ADGRL3: variants seen among roughly 807,000 people sequenced by gnomAD.
ADGRL3 encodes the protein adhesion G protein-coupled receptor L3, also known as calcium-independent alpha-latrotoxin receptor 3.
Under a neutral mutation model 153.5 loss-of-function variants are expected in ADGRL3, and 62 were observed. The ratio of observed to expected loss-of-function variants is 0.40; its 90% CI spans 0.33 to 0.50. The LOEUF (loss-of-function observed/expected upper bound fraction) is 0.50, where lower values mean the gene tolerates loss of function less well. Among genes scored for constraint, ADGRL3 ranks in the 20% least tolerant of loss-of-function variants. The pLI is 0.47. For missense variants in ADGRL3, 1,641 were observed against 1,859.4 expected (o/e 0.88, Z 2.16); for synonymous variants, 710 against 672.5 (o/e 1.06, Z -0.86).
chr4:61,424,242 G>A (rs1381721164), intron 2 of ADGRL3, among the ~76,000 whole-genome samples: 1 of 152,062 alleles, frequency 6.6e-6, no homozygotes, highest in East Asian at 1.9e-4. Context: ...ATTATATAAT[G>A]CATGGGATTG....
rs571279154 is a variant in ADGRL3, at chr4:61,459,094, T to A, written c.-173-38027T>A. On this transcript the variant is annotated intron_variant, in intron 2 of 26. Transcript: ENST00000683033. The stretch of plus-strand genomic sequence containing the variant: ...ATTCTATTAAATAATATAGAGAGAA[T>A]TTTTTTAAATGTGTACTTAAGTTTT... 5.6e-4 allele frequency among the ~76,000 whole-genome samples: 85 copies of A among 151,634 alleles called. 1 individual carries two copies. In the South Asian group the frequency reaches 0.015, roughly 28 times the overall value.
intron 13 of ADGRL3, among the ~76,000 whole-genome samples, chr4:61,933,135 A>C (rs1455619472): frequency 6.6e-6 from 1 of 152,064 alleles, no homozygotes; most frequent in African/African-American, 2.4e-5. Context: ...TAAGGAACAG[A>C]CATAATTTCT....
intron 5 of ADGRL3, among the ~76,000 whole-genome samples, chr4:61,617,336 A>T (rs1336595722): frequency 6.6e-6 from 1 of 152,114 alleles, no homozygotes; most frequent in Admixed American, 6.6e-5. Context: ...GATTGATTTC[A>T]TTCGTATTTT....
At chr4:61,456,403 CTATATATATATAGATATATCTATA>C (rs2097745869) in intron 2 of ADGRL3, among the ~76,000 whole-genome samples, 40 of 59,334 alleles carry the variant, frequency 6.7e-4, no homozygotes, top group Admixed American at 3.7e-3. Context: ...ATATCTATAT[CTATATATATATAGATATATCTATA>C]TCTATATATA....
chr4:61,642,925 G>A (rs2093757154), intron 5 of ADGRL3, among the ~76,000 whole-genome samples: 2 of 152,154 alleles, frequency 1.3e-5, no homozygotes, highest in South Asian at 4.1e-4. Flanking sequence ...CATGAGCATG[G>A]AATCTTCTTC....
chr4:61,438,406 C>T lies in ADGRL3; in HGVS notation c.-174+55217C>T, dbSNP rs1463297399. Among the ~76,000 whole-genome samples, 4 of 150,730 alleles carry T rather than the reference C, an allele frequency of 2.7e-5. No homozygotes were observed. In the East Asian group the frequency reaches 7.8e-4, roughly 29 times the overall value. On this transcript the variant is annotated intron_variant, in intron 2 of 26. Coordinates refer to ENST00000683033, the MANE Select transcript of ADGRL3 (RefSeq NM_001387552.1). ...CTTTAAATTTTAGGGTACATGTGCA[C>T]AATGTGCAGGTTAGTTACATATGTA...
At chr4:61,348,396 T>C (rs1378217514) in intron 1 of ADGRL3, among the ~76,000 whole-genome samples, 2 of 152,028 alleles carry the variant, frequency 1.3e-5, no homozygotes, top group Non-Finnish European at 2.9e-5. Flanking sequence ...TCTGTAATTA[T>C]TCTTCCCTGA....
chr4:61,638,159 A>G (rs1315669778), intron 5 of ADGRL3, among the ~76,000 whole-genome samples: 1 of 152,184 alleles, frequency 6.6e-6, no homozygotes, highest in Non-Finnish European at 1.5e-5. Flanking sequence ...CCATAGGAGA[A>G]TGGATAAACA....
intron 13 of ADGRL3, among the ~76,000 whole-genome samples, chr4:61,918,912 C>T (rs2098756194): frequency 6.6e-6 from 1 of 152,132 alleles, no homozygotes; most frequent in Non-Finnish European, 1.5e-5. Context: ...GCCAGTTTTA[C>T]TTGCGTGCCT....
intron 9 of ADGRL3, among the ~76,000 whole-genome samples, chr4:61,831,528 T>C (rs1401940705): frequency 6.7e-6 from 1 of 149,838 alleles, no homozygotes; most frequent in Non-Finnish European, 1.5e-5. Context: ...GCCCTGGTAC[T>C]GTGAAAGAAT....
intron 1 of ADGRL3, among the ~76,000 whole-genome samples, chr4:61,267,014 T>C (rs1480976655): frequency 6.6e-6 from 1 of 151,766 alleles, no homozygotes; most frequent in African/African-American, 2.4e-5. Flanking sequence ...TGTCAAAGTA[T>C]TATAATACTG....
chr4:61,240,173 G>A (rs1313305586), intron 1 of ADGRL3, among the ~76,000 whole-genome samples: 2 of 152,102 alleles, frequency 1.3e-5, no homozygotes, highest in African/African-American at 4.8e-5. Context: ...TCCTTGCATG[G>A]CAGAAGGGTG....
rs1467999236 is a variant in ADGRL3, at chr4:62,073,902, A to G, written c.*2994A>G. 3 of 152,110 alleles carry G rather than the reference A, an allele frequency of 2.0e-5. No individual in the cohort carries two copies. The highest frequency in any genetic ancestry group is 4.4e-5 in the Non-Finnish European group (3 of 67,994). The allele number at this position is 152,110 out of a possible 1,614,324, so 9.4% of individuals were successfully genotyped here. A position where few individuals can be genotyped will look rare whatever the true frequency, so the allele number is the denominator to read the frequency against. ...GAGAGAAATTTCCCCTGCAAGTATT[A>G]TGTAACCGTAATTAAAAAAAATGGA... On this transcript the variant is annotated 3_prime_UTR_variant, in exon 27 of 27. Transcript: ENST00000683033.
intron 1 of ADGRL3, among the ~76,000 whole-genome samples, chr4:61,291,226 A>ACACACC (rs2094183468): frequency 2.0e-5 from 3 of 148,568 alleles, no homozygotes; most frequent in Admixed American, 2.0e-4. Context: ...ACGCACACAC[A>ACACACC]CACACCCCTC....
rs567118790 is a variant in ADGRL3 at position 61,327,172 on chromosome 4, G to A, written c.-239-55952G>A. 1.5e-4 allele frequency among the ~76,000 whole-genome samples: 23 copies of A among 152,074 alleles called. No individual in the cohort carries two copies. The South Asian group carries it at 4.6e-3, about 30-fold the overall frequency. ...AAAAGAAGCCACTAAGGTGCAAAGT[G>A]AGAGCACCCGACGGGCTTGCTAATA... is the stretch of plus-strand genomic sequence containing the variant. On this transcript the variant is annotated intron_variant, in intron 1 of 26. Transcript: ENST00000683033.
intron 8 of ADGRL3, among the ~76,000 whole-genome samples, chr4:61,762,792 C>T (rs551072945): frequency 6.4e-4 from 97 of 152,206 alleles, no homozygotes; most frequent in Non-Finnish European, 8.2e-4. Context: ...TTAATAAGAA[C>T]AGACCAATAA....
chr4:61,455,219 G>A (rs2097720901), intron 2 of ADGRL3, among the ~76,000 whole-genome samples: 1 of 152,146 alleles, frequency 6.6e-6, no homozygotes, highest in South Asian at 2.1e-4. Context: ...TTGAAGCTGA[G>A]AGAAGATCAT....
intron 1 of ADGRL3, among the ~76,000 whole-genome samples, chr4:61,273,495 G>T (rs1339440475): frequency 6.6e-6 from 1 of 152,152 alleles, no homozygotes; most frequent in Non-Finnish European, 1.5e-5. Flanking sequence ...AAATATGCTT[G>T]CATGGAAAGG....
At chr4:61,971,434 T>A (rs2099027215) in intron 17 of ADGRL3, among the ~76,000 whole-genome samples, 1 of 152,168 alleles carries the variant, frequency 6.6e-6, no homozygotes, top group African/African-American at 2.4e-5. Context: ...TGCAGTAGTT[T>A]ACTGAGAATG....
Sources: allele counts gnomAD v4.1 joint callset (sites outside exome capture counted in the v4.1 genomes callset), GRCh38; gene constraint gnomAD v4.1.1; transcripts MANE v1.5; gene names NCBI Gene and HGNC (gene_info 2026-07-23, HGNC 2026-07-21).